The following GPD1L variants were observed in gnomAD, a reference collection of about 807,000 sequenced individuals.
The protein encoded by GPD1L is glycerol-3-phosphate dehydrogenase 1-like protein.
GPD1L carries 17 observed loss-of-function variants against 32.9 expected under a neutral mutation model. The ratio of observed to expected loss-of-function variants is 0.52; its 90% CI spans 0.35 to 0.78. The LOEUF is 0.78. Among genes scored for constraint, GPD1L ranks in the 30% least tolerant of loss-of-function variants. The probability of loss-of-function intolerance (pLI) is 0.01; values close to 1 mark genes in which losing one functional copy is unlikely to be tolerated. For synonymous variants in GPD1L, 187 were observed against 165.9 expected (o/e 1.13, Z -0.98); for missense variants, 361 against 447.8 (o/e 0.81, Z 1.75).
At chr3:32,111,028 G>A (rs1448998286) in intron 1 of GPD1L, among the ~76,000 whole-genome samples, 1 of 152,156 alleles carries the variant, frequency 6.6e-6, no homozygotes, top group Non-Finnish European at 1.5e-5. Flanking sequence ...ACCATGCCCG[G>A]CTAAGTTTTA....
rs1376488682 is a variant in GPD1L at position 32,140,240 on chromosome 3, G to A, written c.379G>A (p.Gly127Ser). 1 of 1,613,916 alleles carries A rather than the reference G, an allele frequency of 6.2e-7. No individual in the cohort carries two copies. Among genetic ancestry groups the A allele is most frequent in the Non-Finnish European group, 8.5e-7 (1 of 1,180,002 alleles). ...GITLIKGIDE[G>S]PEGLKLISDI... ...GGCATCCTTGTAGGGCATAGACGAG[G>A]GCCCCGAGGGGCTGAAGCTCATTTC... The change falls in exon 4 of 8, where the codon GGC becomes AGC. Residue 127 changes from glycine to serine, a missense_variant. Transcript: ENST00000282541.
rs2125474159 is a variant in GPD1L, at chr3:32,121,591, A to ATATATATACTTC, written c.48-6477_48-6476insCTTCTATATATA. On this transcript the variant is annotated intron_variant, in intron 1 of 7. Coordinates refer to ENST00000282541, the MANE Select transcript of GPD1L (RefSeq NM_015141.4). ...TATATATTTCTATATATATATTTCTATATATATATTTCTATATATATTTCT... is the reference window on the plus strand; with the variant it reads ...TATATATTTCTATATATATATTTCTATATATATACTTCTATATATATTTCTATATATATTTCT... Among the ~76,000 whole-genome samples, 3 of 99,214 alleles carry ATATATATACTTC rather than the reference A, an allele frequency of 3.0e-5. 1 individual carries two copies. In the South Asian group the frequency reaches 1.3e-3, roughly 42 times the overall value. The allele number at this position is 99,214 out of a possible 152,430, so 65.1% of individuals were successfully genotyped here. A position where few individuals can be genotyped will look rare whatever the true frequency, so the allele number is the denominator to read the frequency against.
rs1293759257 is a variant in GPD1L at position 32,158,872 on chromosome 3, G to A, written c.619-4G>A. 22 of 1,613,684 alleles carry A rather than the reference G, an allele frequency of 1.4e-5. No individual in the cohort carries two copies. The highest frequency in any genetic ancestry group is 1.9e-5 in the Non-Finnish European group (22 of 1,179,830). On this transcript the variant is annotated splice_polypyrimidine_tract_variant and splice_region_variant and intron_variant, in intron 5 of 7. Coordinates refer to ENST00000282541, the MANE Select transcript of GPD1L (RefSeq NM_015141.4). ...GCATCTGGGCTTTGTCATCTCCTTT[G>A]CAGAACATCGTAGCTGTGGGAGCTG...
intron 5 of GPD1L, among the ~76,000 whole-genome samples, chr3:32,156,711 C>T (rs956799946): frequency 8.5e-5 from 13 of 152,086 alleles, no homozygotes; most frequent in Admixed American, 8.5e-4. Context: ...GTGAGCCCGG[C>T]CACATCAATG....
At chr3:32,121,603 C>CTATATATATTTCTATATATAT (rs1266856435) in intron 1 of GPD1L, among the ~76,000 whole-genome samples, 2 of 114,168 alleles carry the variant, frequency 1.8e-5, no homozygotes, top group Admixed American at 9.4e-5. Context: ...ATATATATTT[C>CTATATATATTTCTATATATAT]TATATATATT....
intron 7 of GPD1L, among the ~76,000 whole-genome samples, chr3:32,162,385 C>CAAAGGCCGTGTCACA (rs1559584283): frequency 5.8e-5 from 7 of 121,128 alleles, no homozygotes; most frequent in South Asian, 2.7e-4. Context: ...ATTACCTTTT[C>CAAAGGCCGTGTCACA]TTTTTTTTTT....
At chr3:32,162,303 G>C (rs1428983316) in intron 7 of GPD1L, among the ~76,000 whole-genome samples, 3 of 152,146 alleles carry the variant, frequency 2.0e-5, no homozygotes, top group Non-Finnish European at 4.4e-5. Flanking sequence ...ACTTCCTGCA[G>C]TACATCCTCT....
chr3:32,144,949 T>C (rs907020230), intron 4 of GPD1L, among the ~76,000 whole-genome samples: 3 of 149,394 alleles, frequency 2.0e-5, no homozygotes, highest in South Asian at 4.5e-4. Flanking sequence ...AGTAATCCAC[T>C]TACCTGAGCC....
intron 4 of GPD1L, 109 bp downstream of exon 4, chr3:32,140,475 A>G (rs187587937): frequency 1.5e-6 from 2 of 1,314,492 alleles, no homozygotes; most frequent in African/African-American, 2.9e-5. Flanking sequence ...GTCCCTCTTA[A>G]CATTCCTTAG....
intron 4 of GPD1L, among the ~76,000 whole-genome samples, chr3:32,141,892 T>C (rs774291450): frequency 9.9e-5 from 15 of 152,180 alleles, no homozygotes; most frequent in Non-Finnish European, 2.1e-4. Context: ...ACTAATCCTG[T>C]CACCCAGGTA....
intron 5 of GPD1L, among the ~76,000 whole-genome samples, chr3:32,154,324 G>A (rs13322224): frequency 0.056 from 8,590 of 152,236 alleles, 386 homozygotes; most frequent in East Asian, 0.19. Flanking sequence ...GGGCCACAGA[G>A]GAGCTGTGAG....
At chr3:32,144,860 C>T (rs544041725) in intron 4 of GPD1L, among the ~76,000 whole-genome samples, 3 of 151,494 alleles carry the variant, frequency 2.0e-5, no homozygotes, top group Admixed American at 6.6e-5. Context: ...CACACCACCA[C>T]GCCAGGCTAA....
chr3:32,163,208 G>A (rs11927560), intron 7 of GPD1L, among the ~76,000 whole-genome samples: 15,232 of 120,628 alleles, frequency 0.13, 963 homozygotes, highest in African/African-American at 0.16. Context: ...TTGCTCTGTC[G>A]CCCAGGCTGG....
chr3:32,151,738 CA>C (rs1700923204), intron 5 of GPD1L: 1 of 157,590 alleles, frequency 6.3e-6, no homozygotes, highest in South Asian at 1.9e-4. Context: ...CTTGGCCTCC[CA>C]ACGTGCTAGG....
chr3:32,112,784 A>T (rs1194661040), intron 1 of GPD1L, among the ~76,000 whole-genome samples: 1 of 152,176 alleles, frequency 6.6e-6, no homozygotes, highest in Non-Finnish European at 1.5e-5. Context: ...AGAGGCATAA[A>T]TATAATAATT....
intron 2 of GPD1L, among the ~76,000 whole-genome samples, chr3:32,131,580 A>G (rs1700588188): frequency 6.6e-6 from 1 of 152,192 alleles, no homozygotes; most frequent in Admixed American, 6.5e-5. Flanking sequence ...GCATGTATCA[A>G]TACTTCGTTC....
chr3:32,162,135 G>A (rs1246715003), intron 7 of GPD1L, among the ~76,000 whole-genome samples: 1 of 152,148 alleles, frequency 6.6e-6, no homozygotes, highest in Non-Finnish European at 1.5e-5. Context: ...GCTGTTCTGT[G>A]CCCCGGTGTT....
intron 2 of GPD1L, among the ~76,000 whole-genome samples, chr3:32,130,792 C>A (rs1301347002): frequency 6.6e-6 from 1 of 152,060 alleles, no homozygotes; most frequent in Non-Finnish European, 1.5e-5. Flanking sequence ...GGGGGCGGAT[C>A]ACTTGAGGTC....
chr3:32,108,301 C>T (rs185293746), intron 1 of GPD1L, among the ~76,000 whole-genome samples: 3 of 152,184 alleles, frequency 2.0e-5, no homozygotes, highest in South Asian at 2.1e-4. Context: ...AGGGGGATCA[C>T]GAGGTCAGGA....
Sources: allele counts gnomAD v4.1 joint callset (sites outside exome capture counted in the v4.1 genomes callset), GRCh38; gene constraint gnomAD v4.1.1; transcripts MANE v1.5; gene names NCBI Gene and HGNC (gene_info 2026-07-23, HGNC 2026-07-21).